The following MAD1L1 variants were observed in gnomAD, a reference collection of about 807,000 sequenced individuals.
MAD1L1 encodes the protein mitotic spindle assembly checkpoint protein MAD1.
In MAD1L1, 95 loss-of-function variants were observed where a neutral mutation model predicts 96.9. The observed-to-expected ratio is 0.98, with a 90% CI of 0.83 to 1.16. The LOEUF (loss-of-function observed/expected upper bound fraction) is 1.16. Among genes scored for constraint, MAD1L1 ranks in the 50% most tolerant of loss-of-function variants. The pLI, the probability that MAD1L1 is intolerant of heterozygous loss-of-function variation, is 0.00. For missense variants in MAD1L1, 1,007 were observed against 954.4 expected, an observed-to-expected ratio of 1.06 and a Z score of -0.73; for synonymous variants, 473 against 396.6, an observed-to-expected ratio of 1.19 and a Z score of -2.29.
intron 12 of MAD1L1, among the ~76,000 whole-genome samples, chr7:2,044,867 CA>C (rs1464619250): frequency 2.0e-5 from 3 of 152,094 alleles, no homozygotes; most frequent in East Asian, 3.9e-4. Context: ...GTGGTGTAGA[CA>C]GGGGAGCCCA....
At chr7:1,874,148 G>A (rs56770872) in intron 18 of MAD1L1, among the ~76,000 whole-genome samples, 12,239 of 152,234 alleles carry the variant, frequency 0.08, 774 homozygotes, top group African/African-American at 0.16. Flanking sequence ...GAAAACGAAG[G>A]TCAGGCTGCC....
chr7:1,904,049 G>A (rs1263844773), intron 17 of MAD1L1, among the ~76,000 whole-genome samples: 2 of 115,326 alleles, frequency 1.7e-5, no homozygotes, highest in African/African-American at 3.0e-5. Flanking sequence ...CATGATTGAT[G>A]AAGCACTGTT....
At position 1,865,610 on chromosome 7, in the gene MAD1L1, T is replaced by A. The variant is rs569564142; in HGVS notation, c.1998+32590A>T. 3.9e-5 allele frequency among the ~76,000 whole-genome samples: 6 copies of A among 152,324 alleles called. No individual in the cohort carries two copies. In the South Asian group the frequency reaches 1.2e-3, roughly 32 times the overall value. ...CCTGAGAAGGGATACTCAATATTAA[T>A]ACCATCACCTCAGTGTGGAATTGAG... On this transcript the variant is annotated intron_variant, in intron 18 of 18. Transcript: ENST00000265854.
Position 1,898,315 on chromosome 7 carries a change from T to A in MAD1L1, c.1883A>T (p.Glu628Val), listed in dbSNP as rs370567244. ...LKEVFQTKIQ[E>V]FRKACYTLTG... Reference sequence around the variant, plus strand: ...GAGCGTGTAGCAGGCCTTGCGGAACTCCTGGATCTTGGTCTGGAAAACCTC... The same window carrying A: ...GAGCGTGTAGCAGGCCTTGCGGAACACCTGGATCTTGGTCTGGAAAACCTC... Residue 628 changes from glutamate (E) to valine (V), a missense_variant, in exon 18 of 19, where the codon GAG (glutamate) becomes GTG (valine). By Grantham distance (121) the Glu-to-Val change is moderately radical (BLOSUM62 -2). Transcript: ENST00000265854. The A allele has an allele frequency of 1.9e-6, 3 of 1,613,944 alleles. No homozygotes were observed. The highest frequency in any genetic ancestry group is 2.5e-6 in the Non-Finnish European group (3 of 1,180,020).
At chr7:2,148,784 G>A (rs190978749) in intron 11 of MAD1L1, 64 of 284,006 alleles carry the variant, frequency 2.3e-4, no homozygotes, top group African/African-American at 1.2e-3. Flanking sequence ...GACTCAGGGT[G>A]GGCCCGCTAG....
intron 5 of MAD1L1, 143 bp downstream of exon 5, chr7:2,222,432 A>G: frequency 1.6e-6 from 1 of 621,536 alleles, no homozygotes; most frequent in Admixed American, 3.9e-5. Context: ...TAATACTTCT[A>G]CTGATGACAA....
chr7:2,116,572 G>A lies in MAD1L1; in HGVS notation c.1073+32580C>T, dbSNP rs548789328. On this transcript the variant is annotated intron_variant, in intron 11 of 18. Transcript: ENST00000265854. ...CACGTGGCAGGCCAGAGGGTTGGGG[G>A]GGGGGGGGGCTCCTGTGTGTACACA... 1.6e-4 allele frequency among the ~76,000 whole-genome samples: 24 copies of A among 151,196 alleles called. 2 individuals carry two copies. The highest frequency in any genetic ancestry group is 5.8e-4 in the African/African-American group (24 of 41,342).
At chr7:1,833,427 A>C (rs1211533331) in intron 18 of MAD1L1, among the ~76,000 whole-genome samples, 4 of 152,248 alleles carry the variant, frequency 2.6e-5, no homozygotes. Context: ...AGAAATCTGT[A>C]ATAATAGTCA....
chr7:1,953,309 C>T (rs931533518), intron 16 of MAD1L1, among the ~76,000 whole-genome samples: 1 of 152,226 alleles, frequency 6.6e-6, no homozygotes, highest in Non-Finnish European at 1.5e-5. Context: ...CTTATTTAAA[C>T]GTCACAGGGC....
At chr7:2,160,094 G>A (rs1790028390) in intron 10 of MAD1L1, among the ~76,000 whole-genome samples, 1 of 151,958 alleles carries the variant, frequency 6.6e-6, no homozygotes, top group African/African-American at 2.4e-5. Flanking sequence ...AGCCAGGCCT[G>A]GTGGGGAGTG....
At chr7:2,038,557 G>C (rs1783544054) in intron 12 of MAD1L1, among the ~76,000 whole-genome samples, 2 of 134,880 alleles carry the variant, frequency 1.5e-5, no homozygotes, top group Non-Finnish European at 3.1e-5. Context: ...CTGTCACCCA[G>C]GCTGGAGCAC....
rs192302567 is a variant in MAD1L1 at position 2,172,796 on chromosome 7, G to A, written c.987-23558C>T. On this transcript the variant is annotated intron_variant, in intron 10 of 18. Coordinates refer to ENST00000265854, the MANE Select transcript of MAD1L1 (RefSeq NM_001013836.2). Reference sequence around the variant, plus strand: ...CCCATCCCAGCCCTGCTGGCTGCCAGGTCAAGGCTGGAGCCCCAGATGGGC... The same window carrying A: ...CCCATCCCAGCCCTGCTGGCTGCCAAGTCAAGGCTGGAGCCCCAGATGGGC... Among the ~76,000 whole-genome samples, 50 of 152,352 alleles carry A rather than the reference G, an allele frequency of 3.3e-4. No individual in the cohort carries two copies. The East Asian group carries it at 9.3e-3, about 28-fold the overall frequency.
intron 11 of MAD1L1, among the ~76,000 whole-genome samples, chr7:2,100,597 G>A (rs1366475755): frequency 2.0e-5 from 3 of 152,268 alleles, no homozygotes; most frequent in East Asian, 1.9e-4. Context: ...GATGCTGTCC[G>A]TGTCCTGGGC....
At chr7:2,104,363 CCG>C (rs1412088136) in intron 11 of MAD1L1, among the ~76,000 whole-genome samples, 1 of 152,266 alleles carries the variant, frequency 6.6e-6, no homozygotes, top group East Asian at 1.9e-4. Flanking sequence ...CGAAGGAGAG[CCG>C]TCACGGCGGC....
At chr7:2,074,554 G>A (rs1008129062) in intron 11 of MAD1L1, among the ~76,000 whole-genome samples, 2 of 152,226 alleles carry the variant, frequency 1.3e-5, no homozygotes, top group South Asian at 4.1e-4. Flanking sequence ...TAGGCGCTAC[G>A]GAATCTGCAG....
At chr7:2,203,916 A>T (rs1730955378) in intron 10 of MAD1L1, among the ~76,000 whole-genome samples, 1 of 152,236 alleles carries the variant, frequency 6.6e-6, no homozygotes. Context: ...TACTGAGAAC[A>T]CAAGGTGACG....
At chr7:2,110,277 T>C (rs1787311486) in intron 11 of MAD1L1, among the ~76,000 whole-genome samples, 1 of 152,202 alleles carries the variant, frequency 6.6e-6, no homozygotes, top group Non-Finnish European at 1.5e-5. Flanking sequence ...GGCTGGACTG[T>C]GCGCTCACAG....
At chr7:1,820,824 G>A (rs1022044060) in intron 18 of MAD1L1, among the ~76,000 whole-genome samples, 1 of 152,030 alleles carries the variant, frequency 6.6e-6, no homozygotes, top group East Asian at 1.9e-4. Context: ...GGGAACGCCT[G>A]TAATCCCAGC....
At chr7:1,860,992 C>T (rs373455791) in intron 18 of MAD1L1, among the ~76,000 whole-genome samples, 3 of 152,200 alleles carry the variant, frequency 2.0e-5, no homozygotes, top group African/African-American at 7.2e-5. Context: ...GCAGCTGCCC[C>T]GATGGAGTCC....
Sources: gnomAD v4.1 joint callset for allele counts (sites outside exome capture counted in the v4.1 genomes callset) on GRCh38, gnomAD v4.1.1 for gene constraint, MANE v1.5 for transcripts, NCBI Gene and HGNC (gene_info 2026-07-23, HGNC 2026-07-21) for gene names.